The following COL24A1 variants were observed in gnomAD, a reference collection of about 807,000 sequenced individuals.
COL24A1 encodes collagen type XXIV alpha 1 chain.
In COL24A1, 224 loss-of-function variants were observed where a neutral mutation model predicts 253.9. The observed-to-expected ratio is 0.88, with a 90% CI of 0.79 to 0.99. The LOEUF is 0.99. COL24A1 is among the 50% of genes least tolerant of loss of function. The pLI is 0.00. For missense variants in COL24A1, 2,131 were observed against 2,068.5 expected, an observed-to-expected ratio of 1.03 and a Z score of -0.59; for synonymous variants, 685 against 673.7, an observed-to-expected ratio of 1.02 and a Z score of -0.26.
intron 3 of COL24A1, among the ~76,000 whole-genome samples, chr1:86,120,350 A>G (rs1706616800): frequency 6.6e-6 from 1 of 152,230 alleles, no homozygotes; most frequent in Non-Finnish European, 1.5e-5. Flanking sequence ...CAGAGCGAAC[A>G]GGAAACCTAC....
chr1:85,945,002 GTTTTTTTTTTTTTT>G lies in COL24A1; in HGVS notation c.2562+16233_2562+16246del, dbSNP rs1165341082. ...TTTTCTTAATCCAGTCTATCATTGT[GTTTTTTTTTTTTTT>G]TTTTTTTTTTTTTTTTTTTGAGACA... is the stretch of plus-strand genomic sequence containing the variant. On this transcript the variant is annotated intron_variant, in intron 24 of 59. Transcript: ENST00000370571. Among the ~76,000 whole-genome samples the G allele has an allele frequency of 8.1e-3, 287 of 35,356 alleles. 2 individuals are homozygous for G. Among genetic ancestry groups the G allele is most frequent in the African/African-American group, 0.033 (274 of 8,232 alleles). 23.2% of individuals were successfully genotyped at this position (35,356 alleles called of 152,430 possible).
intron 53 of COL24A1, among the ~76,000 whole-genome samples, chr1:85,764,455 T>TACACACACAC (rs71075861): frequency 1.0e-4 from 14 of 137,258 alleles, no homozygotes; most frequent in South Asian, 2.5e-4. Flanking sequence ...AGGTGGAGGA[T>TACACACACAC]ACACACACAC....
chr1:86,124,955 T>C lies in COL24A1; in HGVS notation c.1381A>G (p.Ile461Val). The change falls in exon 3 of 60, where the codon ATC (isoleucine) becomes GTC (valine). Residue 461 changes from isoleucine (I) to valine (V), a missense_variant. Physicochemically the swap from Ile to Val is conservative, Grantham distance 29 (BLOSUM62 3). Coordinates refer to ENST00000370571, the MANE Select transcript of COL24A1 (RefSeq NM_152890.7). ...GEFYPDATYP[I>V]ENSYETELYD... ...AGCTCAGTTTCATAGCTATTTTCGA[T>C]GGGATAAGTAGCATCAGGATAAAAT... 6.2e-7 allele frequency: 1 copy of C among 1,612,910 alleles called. No individual in the cohort carries two copies. The highest frequency in any genetic ancestry group is 8.5e-7 in the Non-Finnish European group (1 of 1,179,528).
In COL24A1 at chr1:85,896,432, G is replaced by A. The variant is rs1431141720; in HGVS notation, c.2779-23C>T. 5 of 1,592,596 alleles carry A rather than the reference G, an allele frequency of 3.1e-6. No homozygotes were observed. In the East Asian group the frequency reaches 6.7e-5, roughly 21 times the overall value. On this transcript the variant is annotated intron_variant, in intron 28 of 59. Transcript: ENST00000370571. ...TCCCTAGAGGTGAAAAAAATATCCT[G>A]TTGTTAATTTGAAATGTTCCTTTTT...
chr1:86,093,514 T>C (rs1703660462), intron 5 of COL24A1, among the ~76,000 whole-genome samples: 1 of 151,990 alleles, frequency 6.6e-6, no homozygotes, highest in African/African-American at 2.4e-5. Flanking sequence ...GACTTAAATG[T>C]AAAACCCAAA....
intron 31 of COL24A1, 61 bp from the exon 32 acceptor site, chr1:85,889,674 T>C (rs1682897967): frequency 7.0e-7 from 1 of 1,423,214 alleles, no homozygotes; most frequent in Non-Finnish European, 9.9e-7. Flanking sequence ...TTAGACACTT[T>C]CCTTACCTTA....
intron 35 of COL24A1, among the ~76,000 whole-genome samples, chr1:85,872,415 G>A (rs1346707655): frequency 1.3e-5 from 2 of 152,120 alleles, no homozygotes; most frequent in Non-Finnish European, 2.9e-5. Flanking sequence ...GAACAAAGCT[G>A]GAGGCATCAC....
In COL24A1 at chr1:86,063,765, A is replaced by G; in HGVS notation, c.1708-6T>C. ...CCAGGATGTCCTTTGAGACCCTGTA[A>G]AAGAATAAGTGGAGACATGCTATGA... On this transcript the variant is annotated splice_region_variant and splice_polypyrimidine_tract_variant and intron_variant, in intron 7 of 59. Coordinates refer to ENST00000370571, the MANE Select transcript of COL24A1 (RefSeq NM_152890.7). 6.5e-7 allele frequency: 1 copy of G among 1,535,840 alleles called. No homozygotes were observed. Among genetic ancestry groups the G allele is most frequent in the Non-Finnish European group, 8.8e-7 (1 of 1,140,636 alleles).
intron 37 of COL24A1, among the ~76,000 whole-genome samples, chr1:85,849,627 G>A (rs1351468182): frequency 6.6e-6 from 1 of 152,138 alleles, no homozygotes; most frequent in African/African-American, 2.4e-5. Flanking sequence ...AACTGGCCAA[G>A]AGAGTCTTAA....
intron 55 of COL24A1, among the ~76,000 whole-genome samples, chr1:85,747,919 A>G (rs1184851330): frequency 2.0e-5 from 3 of 152,186 alleles, no homozygotes; most frequent in Non-Finnish European, 4.4e-5. Flanking sequence ...TTTTATTAAC[A>G]TAATATATTG....
chr1:85,740,402 C>G (rs1335707403), intron 57 of COL24A1, among the ~76,000 whole-genome samples: 1 of 152,150 alleles, frequency 6.6e-6, no homozygotes, highest in Non-Finnish European at 1.5e-5. Context: ...TATATAAACT[C>G]CCACTATCAT....
chr1:85,882,259 C>A (rs894706493), intron 32 of COL24A1, among the ~76,000 whole-genome samples: 2 of 151,922 alleles, frequency 1.3e-5, no homozygotes, highest in Non-Finnish European at 2.9e-5. Flanking sequence ...GGGCGGTTCA[C>A]GAGGTCAGGA....
chr1:85,874,927 T>C (rs1680962836), intron 34 of COL24A1, among the ~76,000 whole-genome samples: 1 of 152,118 alleles, frequency 6.6e-6, no homozygotes, highest in South Asian at 2.1e-4. Flanking sequence ...TAGATTCTCA[T>C]AGAAACACGA....
chr1:86,047,221 C>T (rs113712206), intron 11 of COL24A1, among the ~76,000 whole-genome samples: 18 of 152,290 alleles, frequency 1.2e-4, no homozygotes, highest in Non-Finnish European at 2.1e-4. Flanking sequence ...GGGACAACGC[C>T]CTCCTCTCTG....
At chr1:86,078,002 G>A (rs562403265) in intron 7 of COL24A1, among the ~76,000 whole-genome samples, 24 of 151,898 alleles carry the variant, frequency 1.6e-4, no homozygotes, top group Non-Finnish European at 3.2e-4. Flanking sequence ...ATTAAAAAAA[G>A]AAAACTGCAG....
chr1:85,969,362 T>C (rs1361232120), intron 22 of COL24A1, among the ~76,000 whole-genome samples: 1 of 151,928 alleles, frequency 6.6e-6, no homozygotes, highest in Admixed American at 6.6e-5. Context: ...CCCAGCACTT[T>C]GGGAGGCCGA....
intron 3 of COL24A1, among the ~76,000 whole-genome samples, chr1:86,122,430 T>C (rs1647513433): frequency 6.6e-6 from 1 of 151,978 alleles, no homozygotes; most frequent in African/African-American, 2.4e-5. Flanking sequence ...TCCAACTCTA[T>C]AGTTTCAACT....
intron 57 of COL24A1, among the ~76,000 whole-genome samples, chr1:85,738,598 G>A (rs1306510356): frequency 6.6e-6 from 1 of 152,164 alleles, no homozygotes; most frequent in African/African-American, 2.4e-5. Context: ...CAAAGGACAG[G>A]AATTTTTGAA....
chr1:86,001,382 G>A (rs1404076481), intron 19 of COL24A1, among the ~76,000 whole-genome samples: 1 of 152,194 alleles, frequency 6.6e-6, no homozygotes, highest in Non-Finnish European at 1.5e-5. Context: ...TCACTAGCAA[G>A]AAATGGTGGC....
Sources: gnomAD v4.1 joint callset for allele counts (sites outside exome capture counted in the v4.1 genomes callset) on GRCh38, gnomAD v4.1.1 for gene constraint, MANE v1.5 for transcripts, NCBI Gene and HGNC (gene_info 2026-07-23, HGNC 2026-07-21) for gene names.